The following LINGO2 variants were observed in gnomAD, a reference collection of about 807,000 sequenced individuals.
The protein encoded by LINGO2 is leucine rich repeat and Ig domain containing 2.
In LINGO2, 14 loss-of-function variants were observed where a neutral mutation model predicts 30.6. The observed-to-expected ratio is 0.46, with a 90% CI of 0.30 to 0.72. LINGO2 has a LOEUF of 0.72. LINGO2 is among the 30% of genes least tolerant of loss of function. The pLI, the probability that LINGO2 is intolerant of heterozygous loss-of-function variation, is 0.07. For missense variants in LINGO2, 729 were observed against 751.7 expected, an observed-to-expected ratio of 0.97 and a Z score of 0.35; for synonymous variants, 317 against 288.5, an observed-to-expected ratio of 1.10 and a Z score of -1.00.
chr9:28,484,784 T>C (rs1269844733), intron 1 of LINGO2, among the ~76,000 whole-genome samples: 1 of 152,094 alleles, frequency 6.6e-6, no homozygotes, highest in East Asian at 1.9e-4. Context: ...ACAATATTAA[T>C]GGATTAAAAA....
intron 5 of LINGO2, among the ~76,000 whole-genome samples, chr9:27,963,028 A>G (rs1404324918): frequency 2.6e-5 from 4 of 152,184 alleles, no homozygotes; most frequent in Non-Finnish European, 5.9e-5. Flanking sequence ...AATAGACTTA[A>G]AGAAGCAACA....
At chr9:28,488,632 G>A (rs1047731337) in intron 1 of LINGO2, among the ~76,000 whole-genome samples, 10 of 152,104 alleles carry the variant, frequency 6.6e-5, no homozygotes, top group African/African-American at 2.4e-4. Flanking sequence ...ATATACTTGT[G>A]AGAATCAAAG....
At chr9:28,360,441 A>C (rs976730813) in intron 3 of LINGO2, among the ~76,000 whole-genome samples, 2 of 152,194 alleles carry the variant, frequency 1.3e-5, no homozygotes, top group Non-Finnish European at 2.9e-5. Flanking sequence ...TTAAGCTTAG[A>C]ATGTTTGCAC....
chr9:28,366,163 C>T (rs1157868851), intron 3 of LINGO2, among the ~76,000 whole-genome samples: 1 of 152,190 alleles, frequency 6.6e-6, no homozygotes, highest in Non-Finnish European at 1.5e-5. Context: ...TTAGTAACTA[C>T]AGCTTGCTTC....
chr9:28,776,898 G>T, the LINGO2 span, among the ~76,000 whole-genome samples: 1 of 151,336 alleles, frequency 6.6e-6, no homozygotes, highest in African/African-American at 2.4e-5. Flanking sequence ...TTGTGTCCCT[G>T]CCCAAATCTC....
intron 1 of LINGO2, among the ~76,000 whole-genome samples, chr9:28,481,586 C>T (rs1825965069): frequency 6.6e-6 from 1 of 151,912 alleles, no homozygotes; most frequent in Non-Finnish European, 1.5e-5. Context: ...AATGCTGTCG[C>T]CCTCCTCTGT....
intron 4 of LINGO2, among the ~76,000 whole-genome samples, chr9:28,184,421 T>C (rs1453044699): frequency 6.6e-6 from 1 of 152,166 alleles, no homozygotes; most frequent in Non-Finnish European, 1.5e-5. Context: ...TGTACCATTA[T>C]ATTGTTTTGT....
chr9:28,739,734 C>A, the LINGO2 span, among the ~76,000 whole-genome samples: 1 of 151,380 alleles, frequency 6.6e-6, no homozygotes, highest in African/African-American at 2.4e-5. Flanking sequence ...TTTCTGAAAT[C>A]TATGTATCTC....
chr9:28,047,411 C>T (rs1824475705), intron 4 of LINGO2, among the ~76,000 whole-genome samples: 1 of 141,016 alleles, frequency 7.1e-6, no homozygotes, highest in Admixed American at 7.4e-5. Flanking sequence ...CAGATAGTGG[C>T]CTTCCACTTC....
chr9:28,142,047 T>A (rs996238744), intron 4 of LINGO2, among the ~76,000 whole-genome samples: 2 of 152,222 alleles, frequency 1.3e-5, no homozygotes, highest in Non-Finnish European at 2.9e-5. Flanking sequence ...TAGAATTTCA[T>A]TGATGGATTA....
chr9:28,237,356 A>G (rs1316108449), intron 4 of LINGO2, among the ~76,000 whole-genome samples: 1 of 152,124 alleles, frequency 6.6e-6, no homozygotes, highest in Non-Finnish European at 1.5e-5. Flanking sequence ...TATTAAAAGA[A>G]AGATGGGAAG....
the LINGO2 span, among the ~76,000 whole-genome samples, chr9:28,715,236 G>C: frequency 6.6e-6 from 1 of 152,116 alleles, no homozygotes; most frequent in Admixed American, 6.6e-5. Flanking sequence ...TGAGCAGACT[G>C]TTCACACACA....
the LINGO2 span, among the ~76,000 whole-genome samples, chr9:29,165,424 C>G: frequency 2.0e-5 from 3 of 152,116 alleles, no homozygotes; most frequent in South Asian, 2.1e-4. Flanking sequence ...CTGTGGTAAG[C>G]TGGATAACCC....
chr9:28,641,292 T>A (rs1237697035), intron 1 of LINGO2, among the ~76,000 whole-genome samples: 4 of 152,024 alleles, frequency 2.6e-5, no homozygotes, highest in African/African-American at 9.7e-5. Context: ...TGCCTCAGCC[T>A]CCCAAAGTGC....
the LINGO2 span, among the ~76,000 whole-genome samples, chr9:28,951,152 G>A: frequency 6.6e-6 from 1 of 152,072 alleles, no homozygotes; most frequent in Non-Finnish European, 1.5e-5. Flanking sequence ...AGGATTCCCT[G>A]TTTAATAAAT....
the LINGO2 span, chr9:27,942,163 T>C: frequency 6.6e-6 from 1 of 152,186 alleles, no homozygotes; most frequent in Non-Finnish European, 1.5e-5. Flanking sequence ...TTTGTAACTT[T>C]ATGTAACTGG....
At chr9:28,007,901 A>C (rs541767180) in intron 5 of LINGO2, among the ~76,000 whole-genome samples, 2 of 152,210 alleles carry the variant, frequency 1.3e-5, no homozygotes, top group Admixed American at 1.3e-4. Flanking sequence ...CCACGGTGTC[A>C]CTCAAACAAG....
intron 1 of LINGO2, among the ~76,000 whole-genome samples, chr9:28,492,098 A>G (rs969103016): frequency 6.6e-6 from 1 of 152,222 alleles, no homozygotes; most frequent in Non-Finnish European, 1.5e-5. Flanking sequence ...ACAATTTCAT[A>G]TCAGATTTCA....
chr9:28,558,240 G>A (rs923164209), intron 1 of LINGO2, among the ~76,000 whole-genome samples: 3 of 151,372 alleles, frequency 2.0e-5, no homozygotes, highest in Non-Finnish European at 4.4e-5. Flanking sequence ...TCTACTTAAG[G>A]GTTTTCTGCT....
Sources: gnomAD v4.1 joint callset for allele counts (sites outside exome capture counted in the v4.1 genomes callset) on GRCh38, gnomAD v4.1.1 for gene constraint, MANE v1.5 for transcripts, NCBI Gene and HGNC (gene_info 2026-07-23, HGNC 2026-07-21) for gene names.